SHTN1: variants seen among roughly 807,000 people sequenced by gnomAD.
The protein encoded by SHTN1 is shootin-1.
A neutral mutation model predicts 83.1 loss-of-function variants in SHTN1; 42 were observed. That is an observed-to-expected ratio of 0.51 (90% CI 0.39 to 0.65). SHTN1 has a LOEUF of 0.65. Among genes scored for constraint, SHTN1 ranks in the 30% least tolerant of loss-of-function variants. SHTN1 has a pLI of 0.00. For missense variants in SHTN1, 622 were observed against 737.8 expected (o/e 0.84, Z 1.82); for synonymous variants, 224 against 247.7 (o/e 0.90, Z 0.90).
At chr10:117,101,529 T>C (rs867844626) in intron 1 of SHTN1, among the ~76,000 whole-genome samples, 1 of 152,318 alleles carries the variant, frequency 6.6e-6, no homozygotes, top group African/African-American at 2.4e-5. Context: ...TCTTGATTCT[T>C]AATTCTGAGA....
At chr10:116,897,017 G>A (rs922684223) in intron 16 of SHTN1, among the ~76,000 whole-genome samples, 11 of 151,996 alleles carry the variant, frequency 7.2e-5, no homozygotes, top group East Asian at 1.9e-4. Flanking sequence ...ATGTTGGCCC[G>A]GCTGGTCTTG....
intron 16 of SHTN1, among the ~76,000 whole-genome samples, chr10:116,896,266 G>T (rs1847516059): frequency 6.6e-6 from 1 of 152,134 alleles, no homozygotes; most frequent in Non-Finnish European, 1.5e-5. Context: ...TCTCACATAG[G>T]ATTAAAATGG....
rs1337124805 is a variant in SHTN1, at chr10:116,917,172, C to T, written c.1196-1688G>A. Among the ~76,000 whole-genome samples the T allele has an allele frequency of 2.6e-5, 4 of 152,336 alleles. No individual in the cohort carries two copies. The East Asian group carries it at 7.7e-4, about 29-fold the overall frequency. ...AATCATTCATTCCTTTATTCACTCA[C>T]CCACTCAATATCTGAGTATCTGTTG... On this transcript the variant is annotated intron_variant, in intron 12 of 16. Transcript: ENST00000355371.
intron 2 of SHTN1, among the ~76,000 whole-genome samples, chr10:116,977,030 C>A (rs1589861356): frequency 6.6e-6 from 1 of 152,110 alleles, no homozygotes; most frequent in South Asian, 2.1e-4. Flanking sequence ...CTCCTTTTAC[C>A]AAATGCATTT....
At position 116,948,991 on chromosome 10, in the gene SHTN1, T is replaced by G; in HGVS notation, c.541A>C (p.Lys181Gln). The G allele has an allele frequency of 6.4e-7, 1 of 1,556,688 alleles. No individual in the cohort carries two copies. Among genetic ancestry groups the G allele is most frequent in the Non-Finnish European group, 8.7e-7 (1 of 1,152,146 alleles). The change falls in exon 7 of 17, where the codon AAA becomes CAA. Residue 181 changes from lysine to glutamine, a missense_variant. Around this residue, in one of 3 missense-constraint regions of SHTN1, gnomAD observed 383 missense variants for 455.8 expected, o/e 0.84. Transcript: ENST00000355371. ...AAAACAGTCTTTTCTTGTTTAACTT[T>G]ATTTACCTAAAAATGTGAAATTTTG... Reference protein sequence around the residue: ...KLVEVIEEVNKVKQEKTVLNS... With the variant: ...KLVEVIEEVNQVKQEKTVLNS...
At chr10:117,081,100 CCT>C (rs1404105211) in intron 1 of SHTN1, among the ~76,000 whole-genome samples, 1 of 150,410 alleles carries the variant, frequency 6.6e-6, no homozygotes, top group Non-Finnish European at 1.5e-5. Context: ...AGAGGGCATC[CCT>C]GTCTTGTGCC....
At chr10:116,987,322 C>A (rs541615727) in intron 1 of SHTN1, among the ~76,000 whole-genome samples, 4 of 152,128 alleles carry the variant, frequency 2.6e-5, no homozygotes, top group African/African-American at 9.7e-5. Flanking sequence ...TCCTTCCATA[C>A]GTTACCACCA....
chr10:116,927,022 T>C (rs1429222507), intron 11 of SHTN1, among the ~76,000 whole-genome samples: 1 of 152,236 alleles, frequency 6.6e-6, no homozygotes, highest in Non-Finnish European at 1.5e-5. Flanking sequence ...TCTATCTTTC[T>C]TATGGACGGT....
At chr10:116,939,415 A>AGAGG (rs752176854) in intron 9 of SHTN1, among the ~76,000 whole-genome samples, 1 of 152,170 alleles carries the variant, frequency 6.6e-6, no homozygotes, top group Non-Finnish European at 1.5e-5. Flanking sequence ...CTTGGCTAGG[A>AGAGG]GAGGGAGTTC....
chr10:117,071,176 A>C (rs923321713), intron 1 of SHTN1, among the ~76,000 whole-genome samples: 10 of 152,282 alleles, frequency 6.6e-5, no homozygotes, highest in African/African-American at 2.2e-4. Flanking sequence ...GTCTTTTTAA[A>C]GTAATTTTCT....
intron 2 of SHTN1, among the ~76,000 whole-genome samples, chr10:117,012,027 T>A (rs1402498449): frequency 2.6e-5 from 4 of 151,328 alleles, no homozygotes; most frequent in Non-Finnish European, 4.4e-5. Context: ...TAGTCCCAGC[T>A]ACTCCGGAGG....
chr10:116,940,545 T>C lies in SHTN1; in HGVS notation c.779A>G (p.Gln260Arg), dbSNP rs1229254331. 1 of 1,613,982 alleles carries C rather than the reference T, an allele frequency of 6.2e-7. No homozygotes were observed. Among genetic ancestry groups the C allele is most frequent in the African/African-American group, 1.3e-5 (1 of 74,938 alleles). The change falls in exon 9 of 17, where the codon CAG (glutamine) becomes CGG (arginine). Residue 260 changes from glutamine to arginine, a missense_variant. This residue lies in a region of SHTN1 where 383 missense variants were observed against 455.8 expected (regional missense o/e 0.84). Transcript: ENST00000355371. ...TTCGTCTAAAGCTTTCAAAAGCTGC[T>C]GATCAGGGATGGAGCTCTGCAGCAG... ...HLLLQSSIPD[Q>R]QLLKALDENA...
At chr10:116,949,041 A>T (rs1849684554) in intron 6 of SHTN1, 44 bp from the exon 7 acceptor site, 3 of 1,475,166 alleles carry the variant, frequency 2.0e-6, no homozygotes, top group Non-Finnish European at 2.7e-6. Flanking sequence ...CAAAAATTGT[A>T]AAACAGGACA....
chr10:117,089,118 A>G (rs1030531552), intron 1 of SHTN1, among the ~76,000 whole-genome samples: 1 of 152,146 alleles, frequency 6.6e-6, no homozygotes, highest in Non-Finnish European at 1.5e-5. Context: ...AGACAACACA[A>G]AACTATAGTG....
chr10:116,973,389 A>G (rs968790975), intron 2 of SHTN1, among the ~76,000 whole-genome samples: 1 of 152,220 alleles, frequency 6.6e-6, no homozygotes, highest in Non-Finnish European at 1.5e-5. Flanking sequence ...CACAATACCA[A>G]GACAGGGAAC....
intron 16 of SHTN1, among the ~76,000 whole-genome samples, chr10:116,887,617 G>C (rs904135691): frequency 6.6e-6 from 1 of 152,106 alleles, no homozygotes; most frequent in Non-Finnish European, 1.5e-5. Flanking sequence ...CCTTCAGCAG[G>C]TCAGAGCTGG....
chr10:116,975,376 G>C (rs1241530594), intron 2 of SHTN1, among the ~76,000 whole-genome samples: 1 of 152,130 alleles, frequency 6.6e-6, no homozygotes, highest in Non-Finnish European at 1.5e-5. Context: ...CTAGTAAAAA[G>C]TTATCACATG....
At chr10:117,007,554 C>CAAAA (rs35941784), upstream of SHTN1, among the ~76,000 whole-genome samples, 6 of 16,362 alleles carry the variant, frequency 3.7e-4, no homozygotes, top group East Asian at 2.6e-3. Flanking sequence ...GACTCCATCT[C>CAAAA]AAAAAAAAAA....
At chr10:116,973,714 G>A (rs1199340030) in intron 2 of SHTN1, 4 of 354,702 alleles carry the variant, frequency 1.1e-5, no homozygotes, top group Admixed American at 2.8e-5. Flanking sequence ...CCTAAGGAAC[G>A]TACAGCAGAG....
Sources: gnomAD v4.1 joint callset for allele counts (sites outside exome capture counted in the v4.1 genomes callset) on GRCh38, gnomAD v4.1.1 for gene constraint, gnomAD v4.1.1 regional missense constraint, MANE v1.5 for transcripts, NCBI Gene and HGNC (gene_info 2026-07-23, HGNC 2026-07-21) for gene names.